AVEN: variants seen among roughly 807,000 people sequenced by gnomAD.
AVEN encodes the protein apoptosis and caspase activation inhibitor.
AVEN carries 41 observed loss-of-function variants against 38.1 expected under a neutral mutation model. The observed-to-expected ratio is 1.08, with a 90% CI of 0.84 to 1.40. The LOEUF (loss-of-function observed/expected upper bound fraction) is 1.40. AVEN is among the 40% of genes most tolerant of loss of function. The pLI is 0.00. For synonymous variants in AVEN, 206 were observed against 171.8 expected (o/e 1.20, Z -1.56); for missense variants, 605 against 438.8 (o/e 1.38, Z -3.38).
rs555367569 is a variant in AVEN, at chr15:33,923,024, AAT to A, written c.446-47031_446-47030del. ...CACTTAATGAATATCAACTTAAAAT[AAT>A]ACTTTATGAGTTAACCTGATTTAGA... is the stretch of plus-strand genomic sequence containing the variant. On this transcript the variant is annotated intron_variant, in intron 2 of 5. Transcript: ENST00000306730. Among the ~76,000 whole-genome samples, 99 of 152,328 alleles carry A rather than the reference AAT, an allele frequency of 6.5e-4. 1 individual carries two copies. Among genetic ancestry groups the A allele is most frequent in the African/African-American group, 2.3e-3 (95 of 41,576 alleles).
chr15:33,871,008 C>T lies in AVEN; in HGVS notation c.539G>A (p.Ser180Asn), dbSNP rs759663958. The T allele has an allele frequency of 1.2e-6, 2 of 1,602,722 alleles. No individual in the cohort carries two copies. Among genetic ancestry groups the T allele is most frequent in the Non-Finnish European group, 8.5e-7 (1 of 1,173,438 alleles). ...TTGAAGGGCTCGAACCAATAACTCA[C>T]TATCCACATAAAATGCTGAATTCTA... ...PKQNSAFYVD[S>N]ELLVRALQEL... The change falls in exon 4 of 6, where the codon AGT becomes AAT. Residue 180 changes from serine (S) to asparagine (N), a missense_variant. By Grantham distance (46) the Ser-to-Asn change is conservative. Coordinates refer to ENST00000306730, the MANE Select transcript of AVEN (RefSeq NM_020371.3).
intron 5 of AVEN, among the ~76,000 whole-genome samples, chr15:34,055,913 A>T (rs1900129381): frequency 6.6e-6 from 1 of 152,238 alleles, no homozygotes; most frequent in African/African-American, 2.4e-5. Context: ...ATGCATATTA[A>T]ATTTTGAGAC....
chr15:33,904,706 T>TACACACACACAC (rs755723684), intron 2 of AVEN, among the ~76,000 whole-genome samples: 24 of 101,286 alleles, frequency 2.4e-4, no homozygotes, highest in Non-Finnish European at 3.0e-4. Context: ...TATATATATA[T>TACACACACACAC]ATATATATAT....
chr15:33,882,497 T>C lies in AVEN; in HGVS notation c.446-6502A>G, dbSNP rs573040927. Among the ~76,000 whole-genome samples the C allele has an allele frequency of 2.6e-5, 4 of 152,156 alleles. No homozygotes were observed. In the South Asian group the frequency reaches 8.3e-4, roughly 32 times the overall value. On this transcript the variant is annotated intron_variant, in intron 2 of 5. Coordinates refer to ENST00000306730, the MANE Select transcript of AVEN (RefSeq NM_020371.3). ...TCAACTACATTGCTCTATTGCCACA[T>C]TTCTAGAGCCAAAATTAATAAGAGA...
At chr15:33,986,263 C>T (rs59075648) in intron 2 of AVEN, among the ~76,000 whole-genome samples, 3,517 of 151,850 alleles carry the variant, frequency 0.023, 126 homozygotes, top group African/African-American at 0.079. Flanking sequence ...CCTGCCACCA[C>T]GCCTGGCTAA....
chr15:34,074,373 G>C (rs1900693472), intron 1 of AVEN, among the ~76,000 whole-genome samples: 1 of 152,168 alleles, frequency 6.6e-6, no homozygotes, highest in Non-Finnish European at 1.5e-5. Flanking sequence ...AACTGTGTTA[G>C]TTTCCTAGGG....
intron 2 of AVEN, among the ~76,000 whole-genome samples, chr15:33,982,697 A>T (rs1052069235): frequency 1.3e-5 from 2 of 152,208 alleles, no homozygotes; most frequent in African/African-American, 4.8e-5. Flanking sequence ...TGGCATTTCC[A>T]AGAACAGCAG....
At chr15:33,888,011 T>G (rs1477606716) in intron 2 of AVEN, among the ~76,000 whole-genome samples, 4 of 152,022 alleles carry the variant, frequency 2.6e-5, no homozygotes, top group Admixed American at 6.6e-5. Flanking sequence ...GAAAGAACTT[T>G]CCCACATACT....
chr15:33,868,544 CAAAAAAA>C (rs35851228), intron 4 of AVEN, among the ~76,000 whole-genome samples: 45 of 66,256 alleles, frequency 6.8e-4, no homozygotes, highest in Admixed American at 2.5e-3. Flanking sequence ...GACTCCGTCT[CAAAAAAA>C]AAAAAAAAAA....
chr15:33,876,062 C>T lies in AVEN; in HGVS notation c.446-67G>A. 2 of 1,456,164 alleles carry T rather than the reference C, an allele frequency of 1.4e-6. 1 individual carries two copies. Among genetic ancestry groups the T allele is most frequent in the East Asian group, 4.7e-5 (2 of 42,752 alleles). The allele number at this position is 1,456,164 out of a possible 1,614,324, so 90.2% of individuals were successfully genotyped here. On this transcript the variant is annotated intron_variant, in intron 2 of 5. Coordinates refer to ENST00000306730, the MANE Select transcript of AVEN (RefSeq NM_020371.3). ...GGAAACTCTCAGTTCTCTAAATTTC[C>T]CTGCTAGAGCAAAAGTGCCATTTCT...
intron 2 of AVEN, among the ~76,000 whole-genome samples, chr15:33,891,596 A>G (rs1891971369): frequency 6.6e-6 from 1 of 152,180 alleles, no homozygotes; most frequent in African/African-American, 2.4e-5. Context: ...TCCATGGTGT[A>G]TATGTGCCAC....
chr15:34,031,191 T>TTC (rs1898786746), intron 1 of AVEN, among the ~76,000 whole-genome samples: 1 of 147,754 alleles, frequency 6.8e-6, no homozygotes, highest in African/African-American at 2.5e-5. Context: ...TTTTTTTTTT[T>TTC]GAGACTGAGT....
At chr15:33,859,737 A>G in intron 11 of AVEN, 1 of 1,603,112 alleles carries the variant, frequency 6.2e-7, no homozygotes, top group Non-Finnish European at 8.5e-7. Flanking sequence ...TCAAGGTATG[A>G]TTGCCAATTG....
intron 2 of AVEN, among the ~76,000 whole-genome samples, chr15:33,892,761 A>C (rs1892041715): frequency 6.6e-6 from 1 of 152,118 alleles, no homozygotes; most frequent in African/African-American, 2.4e-5. Context: ...TCTGTGAAGA[A>C]AGTCATTGGT....
chr15:33,994,016 G>A (rs925950779), intron 2 of AVEN, among the ~76,000 whole-genome samples: 1 of 152,200 alleles, frequency 6.6e-6, no homozygotes, highest in Non-Finnish European at 1.5e-5. Flanking sequence ...ACATACAGCT[G>A]TGAACATTTG....
At chr15:33,980,473 T>C (rs554417) in intron 2 of AVEN, among the ~76,000 whole-genome samples, 123,685 of 152,158 alleles carry the variant, frequency 0.81, 55,060 homozygotes, top group Non-Finnish European at 0.98. Context: ...CAACACGTCC[T>C]CTGATTTCTC....
intron 2 of AVEN, among the ~76,000 whole-genome samples, chr15:33,892,328 T>TA (rs1892017725): frequency 6.6e-6 from 1 of 152,236 alleles, no homozygotes; most frequent in South Asian, 2.1e-4. Context: ...TGGTATTGCC[T>TA]AGGTTTTCTT....
intron 5 of AVEN, among the ~76,000 whole-genome samples, chr15:34,052,297 C>A (rs938608494): frequency 4.6e-5 from 7 of 152,064 alleles, no homozygotes; most frequent in African/African-American, 1.7e-4. Context: ...AAATTTAAAT[C>A]CCTTCATATT....
At chr15:33,864,347 CT>C (rs1482444335), downstream of AVEN, among the ~76,000 whole-genome samples, 2 of 151,942 alleles carry the variant, frequency 1.3e-5, no homozygotes, top group African/African-American at 4.8e-5. Flanking sequence ...AGCCAAAGTC[CT>C]CCTGTTTATC....
Sources: allele counts gnomAD v4.1 joint callset (sites outside exome capture counted in the v4.1 genomes callset), GRCh38; gene constraint gnomAD v4.1.1; transcripts MANE v1.5; gene names NCBI Gene and HGNC (gene_info 2026-07-23, HGNC 2026-07-21).